KIF6: variants seen among roughly 807,000 people sequenced by gnomAD.
KIF6 encodes the protein kinesin family member 6, also known as kinesin-like protein KIF6.
In KIF6, 106 loss-of-function variants were observed where a neutral mutation model predicts 112.7. The observed-to-expected ratio is 0.94, with a 90% CI of 0.80 to 1.11. The LOEUF (loss-of-function observed/expected upper bound fraction) is 1.11. Among genes scored for constraint, KIF6 ranks in the 50% least tolerant of loss-of-function variants. The probability of loss-of-function intolerance (pLI) is 0.00; values close to 1 mark genes in which losing one functional copy is unlikely to be tolerated. For synonymous variants in KIF6, 339 were observed against 339.9 expected (o/e 1.00, Z 0.03); for missense variants, 929 against 964.0 (o/e 0.96, Z 0.48).
At chr6:39,616,739 T>G (rs1220851753) in intron 5 of KIF6, among the ~76,000 whole-genome samples, 1 of 152,200 alleles carries the variant, frequency 6.6e-6, no homozygotes, top group Non-Finnish European at 1.5e-5. Context: ...GTTCATGCCT[T>G]TGCTCATAGA....
At chr6:39,513,208 T>C (rs1238299913) in intron 13 of KIF6, among the ~76,000 whole-genome samples, 1 of 152,220 alleles carries the variant, frequency 6.6e-6, no homozygotes, top group Non-Finnish European at 1.5e-5. Flanking sequence ...ACTGCTCTTC[T>C]GGGCTAGCTA....
chr6:39,508,993 A>G (rs1776608534), intron 13 of KIF6, among the ~76,000 whole-genome samples: 1 of 152,076 alleles, frequency 6.6e-6, no homozygotes, highest in African/African-American at 2.4e-5. Flanking sequence ...GACACCTCAT[A>G]CAGGTGGGTG....
At chr6:39,653,472 G>A (rs1785590445) in intron 3 of KIF6, among the ~76,000 whole-genome samples, 1 of 152,156 alleles carries the variant, frequency 6.6e-6, no homozygotes, top group South Asian at 2.1e-4. Flanking sequence ...AAGTACCAGA[G>A]ACTTGGGGCA....
chr6:39,428,957 G>T (rs1770951215), intron 14 of KIF6, among the ~76,000 whole-genome samples: 1 of 152,204 alleles, frequency 6.6e-6, no homozygotes, highest in Admixed American at 6.5e-5. Flanking sequence ...GCAGCCTGGA[G>T]TATGTCCCCT....
At chr6:39,508,618 C>G (rs1433884496) in intron 13 of KIF6, among the ~76,000 whole-genome samples, 4 of 152,122 alleles carry the variant, frequency 2.6e-5, no homozygotes, top group Admixed American at 1.3e-4. Context: ...GCTAGTGTAG[C>G]AGTATGAGAT....
intron 8 of KIF6, among the ~76,000 whole-genome samples, chr6:39,585,518 C>T (rs1781578028): frequency 6.6e-6 from 1 of 152,150 alleles, no homozygotes; most frequent in Non-Finnish European, 1.5e-5. Flanking sequence ...TTTATTTTGG[C>T]TTAATAAAAT....
At chr6:39,703,922 A>G (rs1481982466) in intron 3 of KIF6, among the ~76,000 whole-genome samples, 4 of 152,194 alleles carry the variant, frequency 2.6e-5, no homozygotes, top group Admixed American at 2.0e-4. Context: ...TGTTCTTTCT[A>G]TATCTCTCTT....
At chr6:39,450,616 G>A (rs560085700) in intron 13 of KIF6, among the ~76,000 whole-genome samples, 4 of 152,188 alleles carry the variant, frequency 2.6e-5, no homozygotes, top group Admixed American at 6.5e-5. Context: ...ACCAGCCTGG[G>A]CAACATGGTG....
intron 3 of KIF6, among the ~76,000 whole-genome samples, chr6:39,705,970 T>A (rs1199685189): frequency 1.3e-5 from 2 of 152,218 alleles, no homozygotes; most frequent in Non-Finnish European, 2.9e-5. Flanking sequence ...GCTTAAGAGA[T>A]GTCTCTTCAT....
chr6:39,450,428 T>G (rs952918669), intron 13 of KIF6, among the ~76,000 whole-genome samples: 2 of 152,202 alleles, frequency 1.3e-5, no homozygotes, highest in African/African-American at 4.8e-5. Flanking sequence ...GGTAAGAATA[T>G]GCAAAAGGCA....
At chr6:39,468,767 G>T (rs936015097) in intron 13 of KIF6, among the ~76,000 whole-genome samples, 11 of 143,014 alleles carry the variant, frequency 7.7e-5, no homozygotes, top group African/African-American at 2.8e-4. Context: ...AATTCCACAT[G>T]AAAAAAAAAA....
intron 13 of KIF6, among the ~76,000 whole-genome samples, chr6:39,444,649 C>T (rs181753078): frequency 7.2e-5 from 11 of 152,128 alleles, no homozygotes; most frequent in East Asian, 1.9e-4. Context: ...CTCATTTCCC[C>T]GAACTCCAGC....
chr6:39,584,443 A>C (rs1486542742), intron 9 of KIF6, among the ~76,000 whole-genome samples: 5 of 125,120 alleles, frequency 4.0e-5, no homozygotes, highest in African/African-American at 1.4e-4. Context: ...AAAAAAAAAA[A>C]AAAAAAAAAA....
chr6:39,345,581 C>T, intron 21 of KIF6, 119 bp downstream of exon 21: 1 of 747,626 alleles, frequency 1.3e-6, no homozygotes, highest in Non-Finnish European at 2.2e-6. Context: ...GAGGCCAGAC[C>T]TGGGTTCTGT....
intron 13 of KIF6, among the ~76,000 whole-genome samples, chr6:39,432,311 G>A (rs1318457879): frequency 2.0e-5 from 3 of 152,190 alleles, no homozygotes; most frequent in African/African-American, 4.8e-5. Context: ...GGGTGGTGCT[G>A]AGCCTTGCTG....
intron 13 of KIF6, among the ~76,000 whole-genome samples, chr6:39,456,861 A>C (rs1773148904): frequency 6.6e-6 from 1 of 150,398 alleles, no homozygotes; most frequent in Non-Finnish European, 1.5e-5. Flanking sequence ...GAGCACCCAG[A>C]TTCATAAAGC....
chr6:39,561,518 AT>A (rs1037896460), intron 10 of KIF6, among the ~76,000 whole-genome samples: 46 of 146,306 alleles, frequency 3.1e-4, no homozygotes, highest in Admixed American at 3.4e-4. Flanking sequence ...CGCCCGGTTA[AT>A]TTTTTTTTTT....
intron 15 of KIF6, among the ~76,000 whole-genome samples, chr6:39,396,900 G>C (rs1768313908): frequency 6.6e-6 from 1 of 152,194 alleles, no homozygotes; most frequent in East Asian, 1.9e-4. Flanking sequence ...CTAAGGTCTT[G>C]ATCACATTCA....
At chr6:39,447,592 T>C (rs1263317691) in intron 13 of KIF6, among the ~76,000 whole-genome samples, 1 of 152,160 alleles carries the variant, frequency 6.6e-6, no homozygotes, top group African/African-American at 2.4e-5. Flanking sequence ...AAAGATAATC[T>C]ATTTGTAGTG....
Sources: allele counts gnomAD v4.1 joint callset (sites outside exome capture counted in the v4.1 genomes callset), GRCh38; gene constraint gnomAD v4.1.1; transcripts MANE v1.5; gene names NCBI Gene and HGNC (gene_info 2026-07-23, HGNC 2026-07-21).